SLC12A1: variants seen among roughly 807,000 people sequenced by gnomAD.
SLC12A1 encodes the protein solute carrier family 12 member 1, also known as Na-K-2Cl cotransporter.
In SLC12A1, 89 loss-of-function variants were observed where a neutral mutation model predicts 130.4. That is an observed-to-expected ratio of 0.68 (90% CI 0.58 to 0.81). The LOEUF (loss-of-function observed/expected upper bound fraction) is 0.81, where lower values mean the gene tolerates loss of function less well. Among genes scored for constraint, SLC12A1 ranks in the 40% least tolerant of loss-of-function variants. The pLI is 0.00. For synonymous variants in SLC12A1, 499 were observed against 460.0 expected (o/e 1.08, Z -1.09); for missense variants, 1,310 against 1,336.4 (o/e 0.98, Z 0.31).
rs201351065 is a variant in SLC12A1, at chr15:48,226,620, C to T, written c.724+49C>T. 6.6e-5 allele frequency: 75 copies of T among 1,144,956 alleles called. No homozygotes were observed. The East Asian group carries it at 1.1e-3, about 17-fold the overall frequency. 70.9% of individuals were successfully genotyped at this position (1,144,956 alleles called of 1,614,324 possible). A position where few individuals can be genotyped will look rare whatever the true frequency, so the allele number is the denominator to read the frequency against. ...GCCCTCATCACTTGCTACGGGTAGG[C>T]GAACAATTTTTTATACTTCTTTTTG... On this transcript the variant is annotated intron_variant, in intron 5 of 26. Transcript: ENST00000380993.
intron 23 of SLC12A1, among the ~76,000 whole-genome samples, chr15:48,289,415 AT>A (rs2042094785): frequency 7.5e-6 from 1 of 133,978 alleles, no homozygotes; most frequent in Non-Finnish European, 1.6e-5. Context: ...ATATATATAT[AT>A]ATATATATAT....
chr15:48,258,218 G>A (rs1163917370), intron 16 of SLC12A1, among the ~76,000 whole-genome samples: 4 of 110,056 alleles, frequency 3.6e-5, no homozygotes, highest in Middle Eastern at 7.2e-3. Flanking sequence ...AAAATTAGCC[G>A]GGCGTAGTGG....
At chr15:48,208,801 T>C (rs937952652) in intron 2 of SLC12A1, among the ~76,000 whole-genome samples, 3 of 152,230 alleles carry the variant, frequency 2.0e-5, no homozygotes, top group South Asian at 4.1e-4. Flanking sequence ...AGCAAAACAC[T>C]TGTGCTTGCT....
chr15:48,221,507 A>C, intron 4 of SLC12A1: 1 of 628,206 alleles, frequency 1.6e-6, no homozygotes, highest in Non-Finnish European at 2.9e-6. Context: ...AAGGTTAATC[A>C]AATATTGCCA....
chr15:48,301,506 G>A (rs1045320907), intron 26 of SLC12A1, 124 bp downstream of exon 26: 1 of 546,562 alleles, frequency 1.8e-6, no homozygotes, highest in Non-Finnish European at 3.0e-6. Flanking sequence ...TTTTTTTGGG[G>A]GGGGGAACAC....
At chr15:48,240,373 T>G (rs9806541) in intron 9 of SLC12A1, among the ~76,000 whole-genome samples, 4,432 of 152,074 alleles carry the variant, frequency 0.029, 223 homozygotes, top group African/African-American at 0.1. Context: ...ACTCAGTATG[T>G]ACATGTCAGA....
chr15:48,271,193 C>T (rs1293088129), intron 19 of SLC12A1, among the ~76,000 whole-genome samples: 8 of 151,958 alleles, frequency 5.3e-5, no homozygotes, highest in Non-Finnish European at 4.4e-5. Context: ...GCCTGGGCAA[C>T]AAGATTAAAA....
At chr15:48,264,317 G>C (rs779083935) in intron 17 of SLC12A1, among the ~76,000 whole-genome samples, 8 of 151,724 alleles carry the variant, frequency 5.3e-5, no homozygotes, top group Non-Finnish European at 1.0e-4. Flanking sequence ...AAAACCTAAG[G>C]CTCTCTTTGA....
intron 19 of SLC12A1, among the ~76,000 whole-genome samples, chr15:48,270,785 T>TACAC (rs951301077): frequency 4.6e-4 from 6 of 12,928 alleles, no homozygotes; most frequent in Admixed American, 6.7e-4. Flanking sequence ...TATATATATA[T>TACAC]ACACACACAC....
intron 23 of SLC12A1, among the ~76,000 whole-genome samples, chr15:48,290,863 A>G (rs1023091027): frequency 1.3e-5 from 2 of 152,180 alleles, no homozygotes; most frequent in Admixed American, 6.5e-5. Flanking sequence ...TAAAGCTGCC[A>G]ATATTTTATT....
At chr15:48,282,586 C>T (rs1391944965) in intron 20 of SLC12A1, among the ~76,000 whole-genome samples, 2 of 152,018 alleles carry the variant, frequency 1.3e-5, no homozygotes, top group Admixed American at 6.6e-5. Context: ...TAAGTGGCCC[C>T]TGCAATACCC....
chr15:48,264,273 G>A (rs568864463), intron 17 of SLC12A1, among the ~76,000 whole-genome samples: 19 of 151,498 alleles, frequency 1.3e-4, no homozygotes, highest in Admixed American at 3.9e-4. Context: ...TCTTTTTCTC[G>A]TTTTTTTTCT....
In SLC12A1 at chr15:48,290,111, T is replaced by C. The variant is rs192653189; in HGVS notation, c.2873+1595T>C. ...TTTATATCCTTATTCTATAAGCATT[T>C]TTCTACTTTTTAAACTGTTTTCTTT... On this transcript the variant is annotated intron_variant, in intron 23 of 26. Transcript: ENST00000380993. 1.5e-4 allele frequency among the ~76,000 whole-genome samples: 23 copies of C among 152,352 alleles called. No homozygotes were observed. In the East Asian group the frequency reaches 4.4e-3, roughly 29 times the overall value.
At chr15:48,230,930 A>G (rs1478446309) in intron 7 of SLC12A1, among the ~76,000 whole-genome samples, 1 of 152,252 alleles carries the variant, frequency 6.6e-6, no homozygotes, top group Non-Finnish European at 1.5e-5. Context: ...CCAGTACTTC[A>G]CCAGCAAATT....
intron 19 of SLC12A1, among the ~76,000 whole-genome samples, chr15:48,272,496 G>A (rs1323127890): frequency 6.6e-6 from 1 of 151,982 alleles, no homozygotes; most frequent in Admixed American, 6.6e-5. Flanking sequence ...GCACAATCTT[G>A]GCTCACTGCA....
intron 19 of SLC12A1, 80 bp downstream of exon 19, chr15:48,269,844 C>G: frequency 1.5e-6 from 1 of 685,614 alleles, no homozygotes; most frequent in Non-Finnish European, 2.6e-6. Flanking sequence ...GCACATAACA[C>G]TGTTGTGTCA....
chr15:48,298,557 G>A (rs1335697652), intron 24 of SLC12A1, among the ~76,000 whole-genome samples: 1 of 152,204 alleles, frequency 6.6e-6, no homozygotes, highest in African/African-American at 2.4e-5. Context: ...AGGACAAGGG[G>A]AGCATTATTT....
chr15:48,256,046 C>G, intron 16 of SLC12A1, 136 bp downstream of exon 16: 1 of 660,446 alleles, frequency 1.5e-6, no homozygotes. Context: ...AAAACTGCCA[C>G]ATTTTCATGA....
chr15:48,240,074 T>TATATCC (rs2041494603), intron 9 of SLC12A1, among the ~76,000 whole-genome samples: 2 of 77,932 alleles, frequency 2.6e-5, no homozygotes, highest in South Asian at 4.4e-4. Flanking sequence ...TATATATCCA[T>TATATCC]ATATATATAT....
Sources: gnomAD v4.1 joint callset for allele counts (sites outside exome capture counted in the v4.1 genomes callset) on GRCh38, gnomAD v4.1.1 for gene constraint, MANE v1.5 for transcripts, NCBI Gene and HGNC (gene_info 2026-07-23, HGNC 2026-07-21) for gene names.